Variants in HTT observed in about 807,000 individuals in gnomAD.
HTT encodes the protein huntington disease protein.
A neutral mutation model predicts 362.3 loss-of-function variants in HTT; 104 were observed. That is an observed-to-expected ratio of 0.29 (90% CI 0.24 to 0.34). The LOEUF (loss-of-function observed/expected upper bound fraction) is 0.34, where lower values mean the gene tolerates loss of function less well. Among genes scored for constraint, HTT ranks in the 10% least tolerant of loss-of-function variants. HTT has a pLI of 1.00. For synonymous variants in HTT, 1,577 were observed against 1,548.7 expected, an observed-to-expected ratio of 1.02 and a Z score of -0.43; for missense variants, 3,301 against 3,928.6, an observed-to-expected ratio of 0.84 and a Z score of 4.27.
At chr4:3,226,776 T>A (rs1046761769) in intron 57 of HTT, among the ~76,000 whole-genome samples, 1 of 152,272 alleles carries the variant, frequency 6.6e-6, no homozygotes, top group Non-Finnish European at 1.5e-5. Context: ...GCAGAAACCC[T>A]GTGATGTCAC....
chr4:3,178,236 G>T, intron 34 of HTT, 62 bp from the exon 35 acceptor site: 1 of 1,221,276 alleles, frequency 8.2e-7, no homozygotes, highest in Admixed American at 1.9e-5. Flanking sequence ...ATTTTATGTT[G>T]CTTATATTGA....
intron 2 of HTT, among the ~76,000 whole-genome samples, chr4:3,098,643 C>T (rs1713991267): frequency 6.6e-6 from 1 of 152,176 alleles, no homozygotes; most frequent in South Asian, 2.1e-4. Flanking sequence ...AAATAGTTTA[C>T]AAATAGTAAA....
chr4:3,086,752 T>C (rs1457529236), intron 1 of HTT, among the ~76,000 whole-genome samples, 187 bp from the exon 2 acceptor site: 6 of 152,212 alleles, frequency 3.9e-5, no homozygotes, highest in Non-Finnish European at 7.4e-5. Flanking sequence ...GCAGCGTAGC[T>C]TGACAGCCAT....
At chr4:3,158,866 A>C (rs1717302127) in intron 28 of HTT, among the ~76,000 whole-genome samples, 1 of 152,038 alleles carries the variant, frequency 6.6e-6, no homozygotes, top group Non-Finnish European at 1.5e-5. Flanking sequence ...TATCATCTTG[A>C]ATTTCAGGGC....
intron 41 of HTT, among the ~76,000 whole-genome samples, chr4:3,201,384 G>A (rs1719522401): frequency 6.6e-6 from 1 of 152,038 alleles, no homozygotes; most frequent in South Asian, 2.1e-4. Flanking sequence ...ACAAAAATTA[G>A]CCGAGCATGG....
At position 3,115,458 on chromosome 4, in the gene HTT, C is replaced by T; in HGVS notation, c.889+13C>T. 1 of 1,601,936 alleles carries T rather than the reference C, an allele frequency of 6.2e-7. No homozygotes were observed. Among genetic ancestry groups the T allele is most frequent in the South Asian group, 1.1e-5 (1 of 90,678 alleles). On this transcript the variant is annotated intron_variant, in intron 7 of 66. Transcript: ENST00000355072. ...AATGTGCTCTTAGGTAAGGTGGAGG[C>T]ATATGAGTGGAAGAGTCTCCAGCAT...
In HTT at chr4:3,240,128, C is replaced by A; in HGVS notation, c.*69C>A. The A allele has an allele frequency of 2.2e-6, 3 of 1,357,324 alleles. No homozygotes were observed. Among genetic ancestry groups the A allele is most frequent in the Non-Finnish European group, 3.1e-6 (3 of 979,066 alleles). The allele number at this position is 1,357,324 out of a possible 1,614,324, so 84.1% of individuals were successfully genotyped here. A position where few individuals can be genotyped will look rare whatever the true frequency, so the allele number is the denominator to read the frequency against. On this transcript the variant is annotated 3_prime_UTR_variant, in exon 67 of 67. Transcript: ENST00000355072. Reference sequence around the variant, plus strand: ...GCCTTTGGAAGTCTGCGCCCTTGTGCCCTGCCTCCACCGAGCCAGCTTGGT... The same window carrying A: ...GCCTTTGGAAGTCTGCGCCCTTGTGACCTGCCTCCACCGAGCCAGCTTGGT...
intron 47 of HTT, 27 bp from the exon 48 acceptor site, chr4:3,211,902 T>C: frequency 6.5e-7 from 1 of 1,539,184 alleles, no homozygotes; most frequent in East Asian, 2.2e-5. Context: ...TGTTATTGTT[T>C]GTTAACCTTT....
intron 29 of HTT, among the ~76,000 whole-genome samples, chr4:3,169,236 T>A (rs1337523056): frequency 1.3e-5 from 2 of 152,106 alleles, no homozygotes; most frequent in African/African-American, 2.4e-5. Flanking sequence ...GCCAGGATGG[T>A]CTCAATCTCC....
At chr4:3,115,530 A>G (rs1714975358) in intron 7 of HTT, 85 bp downstream of exon 7, 1 of 1,131,936 alleles carries the variant, frequency 8.8e-7, no homozygotes, top group Admixed American at 2.0e-5. Flanking sequence ...ATGATCCCTC[A>G]GCTTCTAGAC....
intron 40 of HTT, among the ~76,000 whole-genome samples, chr4:3,194,383 G>A (rs1719152611): frequency 6.6e-6 from 1 of 152,168 alleles, no homozygotes; most frequent in Admixed American, 6.5e-5. Context: ...TACAACATTT[G>A]GGGTAACCAG....
intron 41 of HTT, 102 bp from the exon 42 acceptor site, chr4:3,203,905 G>T: frequency 9.0e-7 from 1 of 1,115,934 alleles, no homozygotes; most frequent in Non-Finnish European, 1.3e-6. Flanking sequence ...AAAACAACTT[G>T]TCTGTTTTAG....
Position 3,222,377 on chromosome 4 carries a change from A to G in HTT, c.7370-10A>G, listed in dbSNP as rs768411227. ...GTTGACACTCTCTCATGTAACATTT[A>G]TATTTCTAGGCTGGACCAGTCGTAC... On this transcript the variant is annotated splice_polypyrimidine_tract_variant and intron_variant, in intron 53 of 66. Coordinates refer to ENST00000355072, the MANE Select transcript of HTT (RefSeq NM_001388492.1). The G allele has an allele frequency of 1.6e-5, 26 of 1,611,020 alleles. No homozygotes were observed. Among genetic ancestry groups the G allele is most frequent in the Non-Finnish European group, 2.2e-5 (26 of 1,177,408 alleles).
At chr4:3,197,642 C>T (rs1719315837) in intron 40 of HTT, among the ~76,000 whole-genome samples, 1 of 152,060 alleles carries the variant, frequency 6.6e-6, no homozygotes. Flanking sequence ...TTATTACAGC[C>T]CTGCGAACAG....
intron 1 of HTT, among the ~76,000 whole-genome samples, chr4:3,078,962 C>T (rs898901582): frequency 2.0e-5 from 3 of 152,204 alleles, no homozygotes; most frequent in African/African-American, 7.2e-5. Flanking sequence ...ATCTTGATCT[C>T]CTGACCTCGT....
intron 2 of HTT, among the ~76,000 whole-genome samples, chr4:3,090,151 G>T (rs1713423651): frequency 6.6e-6 from 1 of 152,024 alleles, no homozygotes; most frequent in African/African-American, 2.4e-5. Context: ...ACTAATTTTT[G>T]TCTCTAATGA....
At position 3,220,355 on chromosome 4, in the gene HTT, C is replaced by T. The variant is rs41264739; in HGVS notation, c.7369+47C>T. ...CAGGTCACCATTGTCGGACATCTACCGGGAGGAAATCCAGAGCCCCCAGTA... is the reference window on the plus strand; with the variant it reads ...CAGGTCACCATTGTCGGACATCTACTGGGAGGAAATCCAGAGCCCCCAGTA... On this transcript the variant is annotated intron_variant, in intron 53 of 66. Coordinates refer to ENST00000355072, the MANE Select transcript of HTT (RefSeq NM_001388492.1). 8.0e-3 allele frequency: 12,651 copies of T among 1,588,452 alleles called. 78 individuals are homozygous for T. The highest frequency in any genetic ancestry group is 9.7e-3 in the Middle Eastern group (58 of 5,964).
Position 3,116,266 on chromosome 4 carries a change from A to C in HTT, c.1068+3A>C. 6.2e-7 allele frequency: 1 copy of C among 1,607,026 alleles called. No individual in the cohort carries two copies. The highest frequency in any genetic ancestry group is 8.5e-7 in the Non-Finnish European group (1 of 1,173,914). On this transcript the variant is annotated splice_donor_region_variant and intron_variant, in intron 8 of 66. Coordinates refer to ENST00000355072, the MANE Select transcript of HTT (RefSeq NM_001388492.1). ...CTTCTGCAGAGCAGCTTGTCCAGGTAGGAGCACAGGGTTTACTCTAGGCCC... is the reference window on the plus strand; with the variant it reads ...CTTCTGCAGAGCAGCTTGTCCAGGTCGGAGCACAGGGTTTACTCTAGGCCC...
chr4:3,106,609 T>A (rs1430023050), intron 5 of HTT, among the ~76,000 whole-genome samples: 1 of 152,202 alleles, frequency 6.6e-6, no homozygotes, highest in Non-Finnish European at 1.5e-5. Context: ...GACTCGTCAA[T>A]GGCTCTGTCA....
Sources: allele counts gnomAD v4.1 joint callset (sites outside exome capture counted in the v4.1 genomes callset), GRCh38; gene constraint gnomAD v4.1.1; transcripts MANE v1.5; gene names NCBI Gene and HGNC (gene_info 2026-07-23, HGNC 2026-07-21).